The following GMEB2 variants were observed in gnomAD, a reference collection of about 807,000 sequenced individuals.
The protein encoded by GMEB2 is glucocorticoid modulatory element-binding protein 2.
In GMEB2, 7 loss-of-function variants were observed where a neutral mutation model predicts 45.7. The observed-to-expected ratio is 0.15, with a 90% confidence interval of 0.09 to 0.29. The LOEUF (loss-of-function observed/expected upper bound fraction) is 0.29, where lower values mean the gene tolerates loss of function less well. GMEB2 is among the 10% of genes least tolerant of loss of function. The probability of loss-of-function intolerance (pLI) is 1.00; values close to 1 mark genes in which losing one functional copy is unlikely to be tolerated. For missense variants in GMEB2, 582 were observed against 739.2 expected, an observed-to-expected ratio of 0.79 and a Z score of 2.47; for synonymous variants, 322 against 323.6, an observed-to-expected ratio of 1.00 and a Z score of 0.05.
chr20:63,592,891 C>G lies in GMEB2; in HGVS notation c.691+120G>C, dbSNP rs2083161096. The G allele has an allele frequency of 1.3e-6, 1 of 748,924 alleles. No homozygotes were observed. The highest frequency in any genetic ancestry group is 1.8e-5 in the African/African-American group (1 of 57,088). The allele number at this position is 748,924 out of a possible 1,614,324, so 46.4% of individuals were successfully genotyped here. A position where few individuals can be genotyped will look rare whatever the true frequency, so the allele number is the denominator to read the frequency against. On this transcript the variant is annotated intron_variant, in intron 7 of 9. Coordinates refer to ENST00000370077, the MANE Select transcript of GMEB2 (RefSeq NM_012384.5). The surrounding 1 kb of genome is among the most constrained non-coding windows in gnomAD (Gnocchi z 8.2). ...ACAATGCTGCTGGAACCAGGCCTTT[C>G]TCCACAAAGACCCTGCCGGCCCCAC...
intron 4 of GMEB2, 125 bp downstream of exon 4, chr20:63,602,840 C>CCTCCTT (rs1412404106): frequency 1.2e-6 from 1 of 813,218 alleles, no homozygotes; most frequent in East Asian, 2.5e-5. Flanking sequence ...TCTTCCCGCA[C>CCTCCTT]CTCCTTCACT....
At chr20:63,616,475 T>C (rs921800550) in intron 2 of GMEB2, among the ~76,000 whole-genome samples, 3 of 152,140 alleles carry the variant, frequency 2.0e-5, no homozygotes, top group African/African-American at 7.2e-5. Context: ...CACACGTGAA[T>C]AGGCTCCTCA....
chr20:63,617,287 T>C (rs969303064), intron 2 of GMEB2, among the ~76,000 whole-genome samples: 2 of 152,056 alleles, frequency 1.3e-5, no homozygotes, highest in Admixed American at 6.6e-5. Flanking sequence ...ACCGTGACCT[T>C]CTAAGAAGTG....
intron 9 of GMEB2, 87 bp downstream of exon 9, chr20:63,591,935 G>A: frequency 8.5e-7 from 1 of 1,174,240 alleles, no homozygotes; most frequent in East Asian, 2.4e-5. Flanking sequence ...GGAAGTGCAG[G>A]TGGATGCACA....
intron 2 of GMEB2, among the ~76,000 whole-genome samples, chr20:63,606,684 G>A (rs1222986334): frequency 1.3e-5 from 2 of 152,122 alleles, no homozygotes; most frequent in Non-Finnish European, 2.9e-5. Flanking sequence ...AGAACTTGGT[G>A]GCAAAATGCT....
At position 63,590,293 on chromosome 20, in the gene GMEB2, C is replaced by T. The variant is rs1265154033; in HGVS notation, c.1389G>A (p.Gln463=). 25 of 1,612,664 alleles carry T rather than the reference C, an allele frequency of 1.6e-5. No individual in the cohort carries two copies. The highest frequency in any genetic ancestry group is 2.1e-5 in the Non-Finnish European group (25 of 1,179,688). ...CCACCTTGAACACCGTGCTACCGTCCTGCACGGCGGCCGTGCTCAGGACCG... is the reference window on the plus strand; with the variant it reads ...CCACCTTGAACACCGTGCTACCGTCTTGCACGGCGGCCGTGCTCAGGACCG... ...SLTVLSTAAV[Q]DGSTVFKVVS... Residue 463 remains glutamine, a synonymous_variant, in exon 10 of 10, where the codon CAG becomes CAA. Transcript: ENST00000370077.
chr20:63,592,667 T>C lies in GMEB2; in HGVS notation c.695A>G (p.Asp232Gly). ...CAGCCCCCGCCAGAAGGTAAATGTG[T>C]CATCTGTGAGGGAAGGAGTGGGTTC... ...PGDWTAAIGDDTFTFWRGLKD... is the reference protein window; with the variant it reads ...PGDWTAAIGDGTFTFWRGLKD... The change falls in exon 8 of 10, where the codon GAC becomes GGC. Residue 232 changes from aspartate (D) to glycine (G), a missense_variant. Transcript: ENST00000370077. The surrounding 1 kb of genome is among the most constrained non-coding windows in gnomAD (Gnocchi z 8.2). 2 of 1,613,118 alleles carry C rather than the reference T, an allele frequency of 1.2e-6. No homozygotes were observed. Among genetic ancestry groups the C allele is most frequent in the Non-Finnish European group, 1.7e-6 (2 of 1,179,356 alleles).
intron 2 of GMEB2, among the ~76,000 whole-genome samples, chr20:63,615,448 TC>T (rs1354034682): frequency 1.3e-5 from 2 of 151,980 alleles, no homozygotes; most frequent in African/African-American, 2.4e-5. Flanking sequence ...CGCCTCAACC[TC>T]CCATGCAGCT....
At chr20:63,609,153 T>A (rs1292435091) in intron 2 of GMEB2, among the ~76,000 whole-genome samples, 2 of 41,776 alleles carry the variant, frequency 4.8e-5, no homozygotes, top group African/African-American at 1.5e-4. Context: ...CACATCCATT[T>A]CTAGAAACAT....
intron 1 of GMEB2, among the ~76,000 whole-genome samples, chr20:63,621,111 C>A (rs950880549): frequency 6.6e-6 from 1 of 152,174 alleles, no homozygotes; most frequent in Non-Finnish European, 1.5e-5. Context: ...GCTGGAGGAT[C>A]GTTTGAGCCT....
intron 2 of GMEB2, among the ~76,000 whole-genome samples, chr20:63,611,018 C>G (rs1255067349): frequency 6.6e-6 from 1 of 152,208 alleles, no homozygotes; most frequent in Non-Finnish European, 1.5e-5. Flanking sequence ...CTGGACCCCC[C>G]GGCGAGGCCC....
At position 63,592,908 on chromosome 20, in the gene GMEB2, C is replaced by A; in HGVS notation, c.691+103G>T. 1 of 794,566 alleles carries A rather than the reference C, an allele frequency of 1.3e-6. No individual in the cohort carries two copies. The highest frequency in any genetic ancestry group is 2.1e-6 in the Non-Finnish European group (1 of 465,134). The allele number at this position is 794,566 out of a possible 1,614,324, so 49.2% of individuals were successfully genotyped here. On this transcript the variant is annotated intron_variant, in intron 7 of 9. Coordinates refer to ENST00000370077, the MANE Select transcript of GMEB2 (RefSeq NM_012384.5). The surrounding 1 kb of genome is among the most constrained non-coding windows in gnomAD (Gnocchi z 8.2). ...AGGCCTTTCTCCACAAAGACCCTGC[C>A]GGCCCCACCTGGACTCCTGGAGCCC...
chr20:63,597,348 G>C (rs952701713), intron 5 of GMEB2, among the ~76,000 whole-genome samples: 1 of 151,594 alleles, frequency 6.6e-6, no homozygotes, highest in African/African-American at 2.4e-5. Context: ...ATTTTTAGTA[G>C]AGATGAGGTC....
intron 2 of GMEB2, among the ~76,000 whole-genome samples, chr20:63,617,369 G>A (rs946798400): frequency 4.6e-5 from 7 of 152,180 alleles, no homozygotes; most frequent in African/African-American, 1.7e-4. Context: ...CATCTGCAAG[G>A]TAGAAAGCGA....
intron 3 of GMEB2, among the ~76,000 whole-genome samples, chr20:63,604,389 CCTT>C (rs1569053413): frequency 2.0e-5 from 3 of 152,030 alleles, no homozygotes; most frequent in Non-Finnish European, 4.4e-5. Context: ...AAAAACAAAA[CCTT>C]CTTTTACTAC....
intron 4 of GMEB2, 124 bp from the exon 5 acceptor site, chr20:63,597,984 G>A (rs414897): frequency 0.81 from 538,815 of 661,750 alleles, 223,269 homozygotes; most frequent in Middle Eastern, 0.89. Context: ...GGCTCTGACC[G>A]GTGCAGGCCT....
intron 4 of GMEB2, among the ~76,000 whole-genome samples, chr20:63,598,369 CACACTCATCTGTT>C (rs967731762): frequency 1.3e-5 from 2 of 151,784 alleles, no homozygotes; most frequent in African/African-American, 4.8e-5. Flanking sequence ...CACACACACA[CACACTCATCTGTT>C]TCTAAGCCAG....
intron 2 of GMEB2, among the ~76,000 whole-genome samples, chr20:63,611,962 A>C (rs927118691): frequency 6.6e-6 from 1 of 152,160 alleles, no homozygotes; most frequent in Non-Finnish European, 1.5e-5. Context: ...AGGCTGAGGC[A>C]GGACGATTCC....
Position 63,619,624 on chromosome 20 carries a change from G to A in GMEB2, c.-57-170C>T, listed in dbSNP as rs1307270149. On this transcript the variant is annotated intron_variant, in intron 1 of 9. Coordinates refer to ENST00000370077, the MANE Select transcript of GMEB2 (RefSeq NM_012384.5). This position sits in a 1 kb window ranked among gnomAD's most constrained non-coding sequence, Gnocchi z 4.6. ...AAGGGCTACTCCAGGCTCTGGTTCCGAGGGCGGTGTAAGCGCACTCCACCC... is the reference window on the plus strand; with the variant it reads ...AAGGGCTACTCCAGGCTCTGGTTCCAAGGGCGGTGTAAGCGCACTCCACCC... 8 of 428,892 alleles carry A rather than the reference G, an allele frequency of 1.9e-5. 1 individual carries two copies. In the East Asian group the frequency reaches 3.6e-4, roughly 19 times the overall value. 26.6% of individuals were successfully genotyped at this position (428,892 alleles called of 1,614,324 possible). A position where few individuals can be genotyped will look rare whatever the true frequency, so the allele number is the denominator to read the frequency against.
Sources: gnomAD v4.1 joint callset for allele counts (sites outside exome capture counted in the v4.1 genomes callset) on GRCh38, gnomAD v4.1.1 for gene constraint, Gnocchi (gnomAD v3.1) non-coding constraint, MANE v1.5 for transcripts, NCBI Gene and HGNC (gene_info 2026-07-23, HGNC 2026-07-21) for gene names.